ZNF532: variants seen among roughly 807,000 people sequenced by gnomAD.
ZNF532 encodes zinc finger protein 532.
Under a neutral mutation model 89.3 loss-of-function variants are expected in ZNF532, and 22 were observed. The observed-to-expected ratio is 0.25, with a 90% CI of 0.18 to 0.35. The LOEUF (loss-of-function observed/expected upper bound fraction) is 0.35, where lower values mean the gene tolerates loss of function less well. Among genes scored for constraint, ZNF532 ranks in the 10% least tolerant of loss-of-function variants. The pLI is 1.00. For missense variants in ZNF532, 1,132 were observed against 1,643.4 expected (o/e 0.69, Z 5.38); for synonymous variants, 606 against 649.6 (o/e 0.93, Z 1.02).
At position 58,953,521 on chromosome 18, in the gene ZNF532, A is replaced by G. The variant is rs1212147852; in HGVS notation, c.2872A>G (p.Met958Val). 7 of 1,609,178 alleles carry G rather than the reference A, an allele frequency of 4.4e-6. No individual in the cohort carries two copies. Among genetic ancestry groups the G allele is most frequent in the African/African-American group, 2.7e-5 (2 of 74,426 alleles). The change falls in exon 7 of 10, where the codon ATG (methionine) becomes GTG (valine). Residue 958 changes from methionine (M) to valine (V), a missense_variant. Transcript: ENST00000591808. ...TTCTTTTCTTTTTATAATGTAGTCT[A>G]TGCATGGAACATTGAAAAGTATTGA... is the stretch of plus-strand genomic sequence containing the variant. ...KQLMMDHIKS[M>V]HGTLKSIEGP...
At chr18:58,874,319 A>G (rs1387961656) in intron 2 of ZNF532, among the ~76,000 whole-genome samples, 1 of 151,672 alleles carries the variant, frequency 6.6e-6, no homozygotes, top group Non-Finnish European at 1.5e-5. Flanking sequence ...TCTTGTCTGA[A>G]TTTTGTATTT....
rs1331364803 is a variant in ZNF532, at chr18:58,985,833, T to C, written c.*1367T>C. The C allele has an allele frequency of 1.3e-5, 2 of 151,172 alleles. No individual in the cohort carries two copies. Among genetic ancestry groups the C allele is most frequent in the African/African-American group, 4.9e-5 (2 of 40,982 alleles). 9.4% of individuals were successfully genotyped at this position (151,172 alleles called of 1,614,324 possible). On this transcript the variant is annotated 3_prime_UTR_variant, in exon 10 of 10. Coordinates refer to ENST00000591808, the MANE Select transcript of ZNF532 (RefSeq NM_001375912.1). ...ATATATAGATACTTGCATGATATAC[T>C]GTAGTCAATGTTCGGTTCCTCAAAA...
intron 2 of ZNF532, among the ~76,000 whole-genome samples, chr18:58,888,851 ATAATTT>A (rs1339164427): frequency 0.038 from 1,758 of 46,490 alleles, 208 homozygotes; most frequent in African/African-American, 0.11. Flanking sequence ...TTATATATAT[ATAATTT>A]ATATATATAT....
rs1301154103 is a variant in ZNF532, at chr18:58,888,868, A to ATATATATAATAT, written c.-18+23289_-18+23290insTATATATAATAT. ...ATATATATATAATTTATATATATAT[A>ATATATATAATAT]ATATATATTATATATATATATTTTA... On this transcript the variant is annotated intron_variant, in intron 2 of 9. Transcript: ENST00000591808. Among the ~76,000 whole-genome samples the ATATATATAATAT allele has an allele frequency of 3.3e-4, 14 of 42,212 alleles. 1 individual carries two copies. Among genetic ancestry groups the ATATATATAATAT allele is most frequent in the African/African-American group, 9.5e-4 (8 of 8,388 alleles). The allele number at this position is 42,212 out of a possible 152,430, so 27.7% of individuals were successfully genotyped here.
chr18:58,895,082 T>C (rs2059158186), intron 2 of ZNF532, among the ~76,000 whole-genome samples: 1 of 152,252 alleles, frequency 6.6e-6, no homozygotes, highest in Non-Finnish European at 1.5e-5. Flanking sequence ...ACAGAGCCAT[T>C]GGCAGAGGCT....
At position 58,892,385 on chromosome 18, in the gene ZNF532, G is replaced by A. The variant is rs956282861; in HGVS notation, c.-17-25886G>A. 6.6e-5 allele frequency among the ~76,000 whole-genome samples: 10 copies of A among 152,210 alleles called. No individual in the cohort carries two copies. The East Asian group carries it at 9.6e-4, about 15-fold the overall frequency. ...GAGTGTCTGATTTGATGGAAGCCCC[G>A]TAGACCTGGAACGGTATCTGGGATA... On this transcript the variant is annotated intron_variant, in intron 2 of 9. Transcript: ENST00000591808.
chr18:58,900,872 C>A (rs769349906), intron 2 of ZNF532, among the ~76,000 whole-genome samples: 27 of 152,166 alleles, frequency 1.8e-4, no homozygotes, highest in Non-Finnish European at 3.7e-4. Context: ...AGCCATGATG[C>A]CCAGTTCCCA....
chr18:58,870,622 T>A (rs2056903395), intron 2 of ZNF532, among the ~76,000 whole-genome samples: 1 of 151,938 alleles, frequency 6.6e-6, no homozygotes, highest in Non-Finnish European at 1.5e-5. Flanking sequence ...CCATGGAGGT[T>A]GGAATAGAGG....
chr18:58,914,006 T>G (rs1251871321), intron 2 of ZNF532, among the ~76,000 whole-genome samples: 1 of 152,248 alleles, frequency 6.6e-6, no homozygotes, highest in Non-Finnish European at 1.5e-5. Context: ...ATTCTCTAAT[T>G]GGAAATTGGG....
At chr18:58,927,410 C>T (rs2061612401) in intron 3 of ZNF532, among the ~76,000 whole-genome samples, 1 of 151,718 alleles carries the variant, frequency 6.6e-6, no homozygotes, top group South Asian at 2.1e-4. Flanking sequence ...GCACTCGTTT[C>T]TTGGTGGTCG....
At chr18:58,978,283 C>G (rs2067286302) in intron 7 of ZNF532, among the ~76,000 whole-genome samples, 1 of 152,032 alleles carries the variant, frequency 6.6e-6, no homozygotes, top group African/African-American at 2.4e-5. Context: ...TTATTTAAAA[C>G]AAAAATCCTT....
At position 58,939,474 on chromosome 18, in the gene ZNF532, A is replaced by T; in HGVS notation, c.2558A>T (p.Asp853Val). 1 of 1,613,990 alleles carries T rather than the reference A, an allele frequency of 6.2e-7. No individual in the cohort carries two copies. Among genetic ancestry groups the T allele is most frequent in the Non-Finnish European group, 8.5e-7 (1 of 1,179,982 alleles). The change falls in exon 5 of 10, where the codon GAT becomes GTT. Residue 853 changes from aspartate (D) to valine (V), a missense_variant. By Grantham distance (152) the Asp-to-Val change is radical. Transcript: ENST00000591808. ...GTGCATTGCAATGTTGTGTACTCTG[A>T]TGTGGCTGCTCTGAAGTCTCACATT... ...RCVHCNVVYSDVAALKSHIQG... is the reference protein window; with the variant it reads ...RCVHCNVVYSVVAALKSHIQG...
At chr18:58,876,353 C>A (rs1164897088) in intron 2 of ZNF532, among the ~76,000 whole-genome samples, 4 of 152,176 alleles carry the variant, frequency 2.6e-5, no homozygotes, top group Non-Finnish European at 5.9e-5. Context: ...GCCTGTCACG[C>A]TCTGAGTAGC....
chr18:58,984,467 C>G lies in ZNF532; in HGVS notation c.*1C>G. The G allele has an allele frequency of 6.2e-7, 1 of 1,605,140 alleles. No homozygotes were observed. The highest frequency in any genetic ancestry group is 8.5e-7 in the Non-Finnish European group (1 of 1,174,868). On this transcript the variant is annotated 3_prime_UTR_variant, in exon 10 of 10. Transcript: ENST00000591808. ...AAGGATGAGCTCAGCCGAGAAATAG[C>G]CACAGATGCTCCATGAGGAAAATCC...
intron 2 of ZNF532, among the ~76,000 whole-genome samples, chr18:58,874,905 G>A (rs527713310): frequency 6.6e-6 from 1 of 152,224 alleles, no homozygotes; most frequent in East Asian, 1.9e-4. Flanking sequence ...TGATAGAAGG[G>A]TGAGTGGAGA....
intron 2 of ZNF532, among the ~76,000 whole-genome samples, chr18:58,870,105 T>C (rs1193962696): frequency 7.7e-6 from 1 of 129,592 alleles, no homozygotes; most frequent in African/African-American, 2.9e-5. Context: ...AAGGATAAAA[T>C]AGCTTTCAGG....
chr18:58,984,529 A>G lies in ZNF532; in HGVS notation c.*63A>G. ...GGAATAAAAAAGACATTTTTGTTAC[A>G]AAGTTTGCAGTATAATAGAGTTAAC... On this transcript the variant is annotated 3_prime_UTR_variant, in exon 10 of 10. Coordinates refer to ENST00000591808, the MANE Select transcript of ZNF532 (RefSeq NM_001375912.1). 3.9e-6 allele frequency: 6 copies of G among 1,542,374 alleles called. No homozygotes were observed. Among genetic ancestry groups the G allele is most frequent in the Non-Finnish European group, 5.2e-6 (6 of 1,147,070 alleles).
intron 9 of ZNF532, among the ~76,000 whole-genome samples, chr18:58,982,745 ACCT>A (rs368081945): frequency 6.6e-6 from 1 of 152,078 alleles, no homozygotes; most frequent in Non-Finnish European, 1.5e-5. Context: ...ATCGAGTAAA[ACCT>A]CCTCAGAATA....
intron 2 of ZNF532, among the ~76,000 whole-genome samples, chr18:58,884,279 G>C (rs2058128323): frequency 6.6e-6 from 1 of 152,238 alleles, no homozygotes; most frequent in Non-Finnish European, 1.5e-5. Flanking sequence ...TACTTGGAGG[G>C]CTGAGGCAGG....
Sources: allele counts gnomAD v4.1 joint callset (sites outside exome capture counted in the v4.1 genomes callset), GRCh38; gene constraint gnomAD v4.1.1; transcripts MANE v1.5; gene names NCBI Gene and HGNC (gene_info 2026-07-23, HGNC 2026-07-21).